P2RY6: variants seen among roughly 807,000 people sequenced by gnomAD.
P2RY6 encodes pyrimidinergic receptor P2Y6.
Under a neutral mutation model 16.3 loss-of-function variants are expected in P2RY6, and 19 were observed. The observed-to-expected ratio is 1.16, with a 90% confidence interval of 0.81 to 1.71. The LOEUF is 1.71. Ranked by LOEUF, P2RY6 falls within the 40% of genes most tolerant of loss-of-function variation. The probability of loss-of-function intolerance (pLI) is 0.00; values close to 1 mark genes in which losing one functional copy is unlikely to be tolerated. For synonymous variants in P2RY6, 184 were observed against 201.5 expected (o/e 0.91, Z 0.74); for missense variants, 389 against 455.5 (o/e 0.85, Z 1.33).
chr11:73,293,988 AG>A (rs1326350815), intron 1 of P2RY6, among the ~76,000 whole-genome samples: 2 of 152,028 alleles, frequency 1.3e-5, no homozygotes, highest in African/African-American at 4.8e-5. Flanking sequence ...GGGGTCAGGG[AG>A]GGGCAGAGGC....
intron 1 of P2RY6, among the ~76,000 whole-genome samples, chr11:73,274,249 A>G (rs766714418): frequency 1.3e-5 from 2 of 152,192 alleles, no homozygotes; most frequent in Admixed American, 6.5e-5. Context: ...AACTTTATTA[A>G]CTGTTGTGGC....
At chr11:73,279,247 T>C (rs1863662110) in intron 1 of P2RY6, among the ~76,000 whole-genome samples, 2 of 152,296 alleles carry the variant, frequency 1.3e-5, no homozygotes, top group African/African-American at 2.4e-5. Flanking sequence ...TTTGTAGGAG[T>C]TCTTTATACA....
chr11:73,278,576 G>A (rs952051004), intron 1 of P2RY6, among the ~76,000 whole-genome samples: 3 of 152,056 alleles, frequency 2.0e-5, no homozygotes, highest in Non-Finnish European at 4.4e-5. Context: ...CTGTCTCAAT[G>A]AATTTGACTT....
At chr11:73,284,163 G>T (rs150364199) in intron 1 of P2RY6, among the ~76,000 whole-genome samples, 1,565 of 152,224 alleles carry the variant, frequency 0.01, 9 homozygotes, top group Non-Finnish European at 0.016. Context: ...CAGACAAAAG[G>T]TTGGGGACCC....
intron 1 of P2RY6, among the ~76,000 whole-genome samples, chr11:73,273,431 T>C (rs535164178): frequency 6.6e-6 from 1 of 152,290 alleles, no homozygotes; most frequent in Admixed American, 6.5e-5. Flanking sequence ...CCCCTGGGTG[T>C]GTACGTGAGA....
At chr11:73,282,131 C>A (rs1405542312) in intron 1 of P2RY6, among the ~76,000 whole-genome samples, 2 of 152,164 alleles carry the variant, frequency 1.3e-5, no homozygotes, top group Non-Finnish European at 2.9e-5. Context: ...TGTTAGGGGG[C>A]AGGGGAGACT....
chr11:73,265,248 T>A (rs1863063350), intron 1 of P2RY6: 1 of 152,136 alleles, frequency 6.6e-6, no homozygotes, highest in Non-Finnish European at 1.5e-5. Flanking sequence ...CTTGGGAGAG[T>A]GAAAGCTCAC....
At chr11:73,293,359 G>C (rs1373087457) in intron 1 of P2RY6, among the ~76,000 whole-genome samples, 1 of 152,218 alleles carries the variant, frequency 6.6e-6, no homozygotes, top group African/African-American at 2.4e-5. Context: ...GGTCTTGAAT[G>C]TCAGGAAAAG....
chr11:73,288,331 C>A (rs1864050892), intron 1 of P2RY6, among the ~76,000 whole-genome samples: 1 of 152,182 alleles, frequency 6.6e-6, no homozygotes, highest in East Asian at 1.9e-4. Flanking sequence ...AAGGAAGCAG[C>A]CCCAACCCTC....
At chr11:73,271,402 C>G (rs953243367), upstream of P2RY6, 3 of 152,330 alleles carry the variant, frequency 2.0e-5, no homozygotes, top group African/African-American at 7.2e-5. Flanking sequence ...ATCTTAAAAT[C>G]TGAGCTCGTC....
intron 1 of P2RY6, among the ~76,000 whole-genome samples, chr11:73,277,515 C>A (rs1863587121): frequency 6.6e-6 from 1 of 152,184 alleles, no homozygotes; most frequent in African/African-American, 2.4e-5. Context: ...TTCATAGATG[C>A]TGGCAGAAGA....
At chr11:73,285,899 G>C (rs561829397) in intron 1 of P2RY6, among the ~76,000 whole-genome samples, 14 of 152,350 alleles carry the variant, frequency 9.2e-5, no homozygotes, top group African/African-American at 1.4e-4. Flanking sequence ...TCCTGGGGCA[G>C]CCAAGCTATA....
At chr11:73,285,158 C>A (rs771855117) in intron 1 of P2RY6, among the ~76,000 whole-genome samples, 3 of 152,202 alleles carry the variant, frequency 2.0e-5, no homozygotes, top group Non-Finnish European at 2.9e-5. Flanking sequence ...GCAGCCTTGG[C>A]CTCCCAGGCT....
intron 1 of P2RY6, among the ~76,000 whole-genome samples, chr11:73,283,244 G>C (rs1863835143): frequency 6.6e-6 from 1 of 152,098 alleles, no homozygotes; most frequent in Non-Finnish European, 1.5e-5. Flanking sequence ...GGGGAGCCCT[G>C]TACCCCAACC....
chr11:73,292,605 G>T (rs1864301698), intron 1 of P2RY6, among the ~76,000 whole-genome samples: 1 of 152,196 alleles, frequency 6.6e-6, no homozygotes, highest in South Asian at 2.1e-4. Context: ...CTCCTCCTCT[G>T]CCCCCATCCC....
chr11:73,282,163 A>C (rs1001254982), intron 1 of P2RY6, among the ~76,000 whole-genome samples: 1 of 152,022 alleles, frequency 6.6e-6, no homozygotes, highest in Admixed American at 6.6e-5. Flanking sequence ...GCCATTTGAG[A>C]CTGCTGTGAG....
At chr11:73,268,861 C>A (rs781551152), upstream of P2RY6, among the ~76,000 whole-genome samples, 2 of 152,224 alleles carry the variant, frequency 1.3e-5, no homozygotes, top group African/African-American at 4.8e-5. Context: ...GGGATGTGCA[C>A]GAGACCATTC....
chr11:73,289,665 G>A (rs928544851), intron 1 of P2RY6, among the ~76,000 whole-genome samples: 1 of 152,214 alleles, frequency 6.6e-6, no homozygotes, highest in Non-Finnish European at 1.5e-5. Context: ...ATGGCTACAG[G>A]GTCTCAATGC....
At chr11:73,287,700 T>A (rs904607731) in intron 1 of P2RY6, among the ~76,000 whole-genome samples, 1 of 152,200 alleles carries the variant, frequency 6.6e-6, no homozygotes, top group Non-Finnish European at 1.5e-5. Flanking sequence ...AGGTTCCTTC[T>A]CAAAGGGAGA....
Sources: allele counts gnomAD v4.1 joint callset (sites outside exome capture counted in the v4.1 genomes callset), GRCh38; gene constraint gnomAD v4.1.1; transcripts MANE v1.5; gene names NCBI Gene and HGNC (gene_info 2026-07-23, HGNC 2026-07-21).